Variants in AGMO observed in about 807,000 individuals in gnomAD.
The protein encoded by AGMO is alkylglycerol monooxygenase, also known as glyceryl-ether monooxygenase.
Under a neutral mutation model 60.2 loss-of-function variants are expected in AGMO, and 75 were observed. That is an observed-to-expected ratio of 1.25 (90% CI 1.03 to 1.51). The LOEUF (loss-of-function observed/expected upper bound fraction) is 1.51, where lower values mean the gene tolerates loss of function less well. AGMO is among the 40% of genes most tolerant of loss of function. The probability of loss-of-function intolerance (pLI) is 0.00; values close to 1 mark genes in which losing one functional copy is unlikely to be tolerated. For missense variants in AGMO, 763 were observed against 525.5 expected (o/e 1.45, Z -4.42); for synonymous variants, 261 against 177.1 (o/e 1.47, Z -3.76).
At chr7:15,490,445 T>C (rs960548436) in intron 3 of AGMO, among the ~76,000 whole-genome samples, 2 of 150,954 alleles carry the variant, frequency 1.3e-5, no homozygotes, top group Admixed American at 1.3e-4. Flanking sequence ...CCCTGTGCTA[T>C]GATGAGAGAG....
At chr7:15,259,124 G>C (rs1783193357) in intron 12 of AGMO, among the ~76,000 whole-genome samples, 1 of 151,990 alleles carries the variant, frequency 6.6e-6, no homozygotes, top group Admixed American at 6.6e-5. Context: ...AGAGGAACCA[G>C]ATAAAGGTGA....
At chr7:15,272,950 G>C (rs1211831200) in intron 12 of AGMO, among the ~76,000 whole-genome samples, 1 of 152,146 alleles carries the variant, frequency 6.6e-6, no homozygotes, top group Non-Finnish European at 1.5e-5. Flanking sequence ...AGAAGTGTCT[G>C]TTCATATCCT....
intron 12 of AGMO, among the ~76,000 whole-genome samples, chr7:15,256,027 T>A (rs1391126486): frequency 1.3e-5 from 2 of 152,166 alleles, no homozygotes; most frequent in Admixed American, 6.5e-5. Flanking sequence ...CGTGGTATAG[T>A]GAAAAGATTA....
chr7:15,407,659 T>C (rs1269012563), intron 5 of AGMO, among the ~76,000 whole-genome samples: 1 of 151,884 alleles, frequency 6.6e-6, no homozygotes. Context: ...GCAATAATTA[T>C]CAACAATCAA....
intron 10 of AGMO, 93 bp from the exon 11 acceptor site, chr7:15,366,315 T>C: frequency 1.2e-6 from 1 of 834,980 alleles, no homozygotes; most frequent in South Asian, 1.7e-5. Flanking sequence ...CCAAATTTTA[T>C]GTCCTGTTGC....
At chr7:15,493,060 T>C (rs897363381) in intron 3 of AGMO, among the ~76,000 whole-genome samples, 2 of 152,082 alleles carry the variant, frequency 1.3e-5, no homozygotes, top group East Asian at 3.9e-4. Context: ...AGTGGAAGGG[T>C]TGTTTCAAAC....
At chr7:15,450,560 A>G (rs1781831481) in intron 3 of AGMO, among the ~76,000 whole-genome samples, 1 of 152,218 alleles carries the variant, frequency 6.6e-6, no homozygotes, top group African/African-American at 2.4e-5. Flanking sequence ...GTAGAAAGAA[A>G]GGACCAAGAC....
intron 12 of AGMO, among the ~76,000 whole-genome samples, chr7:15,293,955 A>T (rs773940945): frequency 1.1e-4 from 16 of 141,146 alleles, no homozygotes; most frequent in Non-Finnish European, 1.9e-4. Context: ...AATTTAACAG[A>T]AGGTCTAAGT....
intron 2 of AGMO, among the ~76,000 whole-genome samples, chr7:15,554,081 G>A (rs2115303905): frequency 6.6e-6 from 1 of 152,198 alleles, no homozygotes; most frequent in Non-Finnish European, 1.5e-5. Context: ...AACCAATACA[G>A]CTGGGAAATG....
intron 3 of AGMO, among the ~76,000 whole-genome samples, chr7:15,513,298 C>CTG (rs145769190): frequency 2.6e-5 from 4 of 151,714 alleles, no homozygotes; most frequent in South Asian, 2.1e-4. Flanking sequence ...AACTTTAAAC[C>CTG]ACAAAATGTT....
intron 12 of AGMO, among the ~76,000 whole-genome samples, chr7:15,288,351 A>G (rs1784160541): frequency 6.6e-6 from 1 of 152,212 alleles, no homozygotes; most frequent in African/African-American, 2.4e-5. Context: ...AATATAAGGT[A>G]TAATCCTACT....
At chr7:15,178,813 TTTTAAG>T in the AGMO span, among the ~76,000 whole-genome samples, 2 of 152,110 alleles carry the variant, frequency 1.3e-5, no homozygotes, top group Non-Finnish European at 2.9e-5. Flanking sequence ...TTTATTTACT[TTTTAAG>T]TTTATTTGGC....
At chr7:15,461,785 C>T (rs965197157) in intron 3 of AGMO, among the ~76,000 whole-genome samples, 5 of 152,056 alleles carry the variant, frequency 3.3e-5, no homozygotes, top group African/African-American at 1.2e-4. Context: ...CACATATTTA[C>T]ACATGTATAT....
downstream of AGMO, among the ~76,000 whole-genome samples, chr7:15,195,735 A>G (rs7782272): frequency 0.13 from 19,556 of 152,182 alleles, 1,580 homozygotes; most frequent in East Asian, 0.34. Context: ...TAGAAAAGAA[A>G]ATGATTTAGG....
chr7:15,241,031 A>T (rs1279869842), intron 12 of AGMO, among the ~76,000 whole-genome samples: 2 of 152,164 alleles, frequency 1.3e-5, no homozygotes, highest in African/African-American at 2.4e-5. Flanking sequence ...TTTAACCACT[A>T]TATTAAATAC....
rs537841937 is a variant in AGMO at position 15,535,860 on chromosome 7, G to T, written c.409+8912C>A. On this transcript the variant is annotated intron_variant, in intron 3 of 12. Coordinates refer to ENST00000342526, the MANE Select transcript of AGMO (RefSeq NM_001004320.2). ...ATTATTATTAACTATAAGCTCCCAG[G>T]TGTGCTATCAAATACAAGGTAGGGC... Among the ~76,000 whole-genome samples, 7 of 151,884 alleles carry T rather than the reference G, an allele frequency of 4.6e-5. No individual in the cohort carries two copies. The South Asian group carries it at 1.2e-3, about 27-fold the overall frequency.
chr7:15,193,100 A>G, the AGMO span, among the ~76,000 whole-genome samples: 16 of 152,292 alleles, frequency 1.1e-4, no homozygotes, highest in East Asian at 9.7e-4. Context: ...ATTCTTATTC[A>G]AAGTTTCATC....
intron 5 of AGMO, among the ~76,000 whole-genome samples, chr7:15,399,234 G>A (rs1224035365): frequency 2.0e-5 from 3 of 152,174 alleles, no homozygotes; most frequent in Non-Finnish European, 2.9e-5. Context: ...AAGTCAGGAA[G>A]ACCCTGAAGT....
chr7:15,145,094 C>T, the AGMO span, among the ~76,000 whole-genome samples: 5 of 152,204 alleles, frequency 3.3e-5, no homozygotes, highest in African/African-American at 1.2e-4. Flanking sequence ...CCGCAAAGTG[C>T]TGGGATTACA....
Sources: gnomAD v4.1 joint callset for allele counts (sites outside exome capture counted in the v4.1 genomes callset) on GRCh38, gnomAD v4.1.1 for gene constraint, MANE v1.5 for transcripts, NCBI Gene and HGNC (gene_info 2026-07-23, HGNC 2026-07-21) for gene names.